Variants in CEP72 observed in about 807,000 individuals in gnomAD.
The protein encoded by CEP72 is centrosomal protein of 72 kDa.
In CEP72, 78 loss-of-function variants were observed where a neutral mutation model predicts 65.7. That is an observed-to-expected ratio of 1.19 (90% CI 0.99 to 1.43). CEP72 has a LOEUF of 1.43. Among genes scored for constraint, CEP72 ranks in the 40% most tolerant of loss-of-function variants. The pLI is 0.00. For synonymous variants in CEP72, 358 were observed against 351.7 expected, an observed-to-expected ratio of 1.02 and a Z score of -0.20; for missense variants, 914 against 832.9, an observed-to-expected ratio of 1.10 and a Z score of -1.20.
intron 9 of CEP72, chr5:642,746 A>G: frequency 9.1e-6 from 9 of 985,382 alleles, no homozygotes; most frequent in Non-Finnish European, 1.1e-5. Flanking sequence ...CCCGCGGGTA[A>G]GGAGCAGTCA....
In CEP72 at chr5:637,702, A is replaced by G. The variant is rs1441194032; in HGVS notation, c.1090A>G (p.Lys364Glu). 5 of 1,613,780 alleles carry G rather than the reference A, an allele frequency of 3.1e-6. No homozygotes were observed. Among genetic ancestry groups the G allele is most frequent in the Non-Finnish European group, 2.5e-6 (3 of 1,180,010 alleles). The change falls in exon 7 of 12, where the codon AAG becomes GAG. Residue 364 changes from lysine (K) to glutamate (E), a missense_variant. Lys to Glu is a moderately conservative substitution (Grantham distance 56). Coordinates refer to ENST00000264935, the MANE Select transcript of CEP72 (RefSeq NM_018140.4). Reference protein sequence around the residue: ...PERTHGSSVPKESLSRQDSSE... With the variant: ...PERTHGSSVPEESLSRQDSSE... ...GAGAACTCATGGGTCCTCCGTGCCCAAGGAGAGCCTGAGCAGACAGGACAG... is the reference window on the plus strand; with the variant it reads ...GAGAACTCATGGGTCCTCCGTGCCCGAGGAGAGCCTGAGCAGACAGGACAG...
Position 644,251 on chromosome 5 carries a change from T to C in CEP72, c.1540-48T>C, listed in dbSNP as rs770287937. The C allele has an allele frequency of 3.1e-6, 5 of 1,597,250 alleles. No individual in the cohort carries two copies. In the South Asian group the frequency reaches 5.6e-5, roughly 18 times the overall value. On this transcript the variant is annotated intron_variant, in intron 9 of 11. Coordinates refer to ENST00000264935, the MANE Select transcript of CEP72 (RefSeq NM_018140.4). ...TTTCAGTTTTACTTTCTATACGCAT[T>C]TTACTGAATTTGACTTGTGCACTTA...
downstream of CEP72, among the ~76,000 whole-genome samples, chr5:671,118 C>T (rs893078422): frequency 1.3e-5 from 2 of 152,244 alleles, no homozygotes; most frequent in African/African-American, 4.8e-5. Flanking sequence ...CTCCGGAGGT[C>T]TGGCTACCGA....
At chr5:658,532 C>T (rs560024930), downstream of CEP72, among the ~76,000 whole-genome samples, 1 of 151,810 alleles carries the variant, frequency 6.6e-6, no homozygotes, top group Admixed American at 6.6e-5. Flanking sequence ...TTTTCAATTT[C>T]TGATCTGATC....
chr5:668,337 C>T (rs1456220453), downstream of CEP72, among the ~76,000 whole-genome samples: 5 of 109,316 alleles, frequency 4.6e-5, no homozygotes, highest in East Asian at 2.4e-4. Context: ...GTGTGGGCGC[C>T]GTCAGGGAAG....
At chr5:647,709 C>T in intron 10 of CEP72, 96 bp from the exon 11 acceptor site, 2 of 817,310 alleles carry the variant, frequency 2.4e-6, no homozygotes, top group Non-Finnish European at 4.0e-6. Context: ...TTTCTGGTAA[C>T]CAAGATCCAG....
downstream of CEP72, chr5:667,228 A>C (rs915800558): frequency 1.3e-5 from 2 of 152,230 alleles, no homozygotes; most frequent in African/African-American, 4.8e-5. Flanking sequence ...GGGCACGGGC[A>C]CGCGGCCAGC....
intron 1 of CEP72, chr5:662,874 C>T (rs147927538): frequency 8.3e-5 from 12 of 143,944 alleles, no homozygotes; most frequent in African/African-American, 3.0e-4. Flanking sequence ...CGTCTGTGAT[C>T]GGGTGATTCC....
intron 11 of CEP72, among the ~76,000 whole-genome samples, chr5:649,079 T>G (rs1738693834): frequency 7.5e-6 from 1 of 132,544 alleles, no homozygotes; most frequent in Non-Finnish European, 1.5e-5. Flanking sequence ...CTGTGAGGTG[T>G]GACTGTGAGG....
intron 4 of CEP72, among the ~76,000 whole-genome samples, chr5:631,607 A>C (rs6891215): frequency 3.2e-3 from 61 of 19,278 alleles, no homozygotes; most frequent in Admixed American, 4.6e-3. Flanking sequence ...CGGGATTTGG[A>C]CCAGTCCTGG....
chr5:666,242 A>C, intron 4 of CEP72: 1 of 1,186,068 alleles, frequency 8.4e-7, no homozygotes, highest in Non-Finnish European at 1.2e-6. Flanking sequence ...CTTCACCCAC[A>C]GGCGGCCGCC....
At chr5:638,587 G>T (rs1737785324) in intron 7 of CEP72, among the ~76,000 whole-genome samples, 1 of 152,074 alleles carries the variant, frequency 6.6e-6, no homozygotes, top group African/African-American at 2.4e-5. Flanking sequence ...AGAGCTGGGT[G>T]GGGCGTGTTT....
Position 628,683 on chromosome 5 carries a change from C to T in CEP72, c.512+4104C>T, listed in dbSNP as rs796897268. 3.4e-3 allele frequency among the ~76,000 whole-genome samples: 69 copies of T among 20,108 alleles called. 6 individuals carry two copies. The highest frequency in any genetic ancestry group is 5.2e-3 in the African/African-American group (36 of 6,970). 13.2% of individuals were successfully genotyped at this position (20,108 alleles called of 152,430 possible). On this transcript the variant is annotated intron_variant, in intron 4 of 11. Transcript: ENST00000264935. ...TGTGCAGCTTCTGGAGAACTCAGGT[C>T]ACAGGCCCCGGGGAGTGTTCCCAGG...
rs1660827329 is a variant in CEP72, at chr5:644,281, T to C, written c.1540-18T>C. 2 of 1,611,464 alleles carry C rather than the reference T, an allele frequency of 1.2e-6. No individual in the cohort carries two copies. The highest frequency in any genetic ancestry group is 1.7e-6 in the Non-Finnish European group (2 of 1,178,612). Reference sequence around the variant, plus strand: ...TGAATTTGACTTGTGCACTTAAGTGTATTTTCTGTGTCCGCAGGATGATTT... The same window carrying C: ...TGAATTTGACTTGTGCACTTAAGTGCATTTTCTGTGTCCGCAGGATGATTT... On this transcript the variant is annotated intron_variant, in intron 9 of 11. Transcript: ENST00000264935.
At chr5:652,030 T>C (rs536344943) in intron 11 of CEP72, among the ~76,000 whole-genome samples, 1 of 152,192 alleles carries the variant, frequency 6.6e-6, no homozygotes, top group Non-Finnish European at 1.5e-5. Context: ...TCCTGAAAGA[T>C]GAGACTGGGC....
At chr5:613,451 A>G (rs912207905) in intron 1 of CEP72, among the ~76,000 whole-genome samples, 2 of 151,880 alleles carry the variant, frequency 1.3e-5, no homozygotes, top group Admixed American at 6.6e-5. Context: ...GCTCACTGCA[A>G]CCTCCACCTC....
In CEP72 at chr5:623,196, C is replaced by T. The variant is rs1736511806; in HGVS notation, c.404-1275C>T. ...GCAGAGAAGGAGCGCGACCGTCTCC[C>T]CTCTTAGTGTTTCTACAGAGAAGGA... is the stretch of plus-strand genomic sequence containing the variant. On this transcript the variant is annotated intron_variant, in intron 3 of 11. Transcript: ENST00000264935. The surrounding 1 kb of genome is among the most constrained non-coding windows in gnomAD (Gnocchi z 5.3). Among the ~76,000 whole-genome samples the T allele has an allele frequency of 6.6e-6, 1 of 152,198 alleles. No individual in the cohort carries two copies. The highest frequency in any genetic ancestry group is 6.5e-5 in the Admixed American group (1 of 15,284).
chr5:659,455 G>A (rs1739491726), downstream of CEP72, among the ~76,000 whole-genome samples: 1 of 152,200 alleles, frequency 6.6e-6, no homozygotes, highest in Non-Finnish European at 1.5e-5. Context: ...GTCCAAAAAT[G>A]CCTTTATTGT....
At chr5:621,549 C>T (rs563308022) in intron 3 of CEP72, among the ~76,000 whole-genome samples, 7 of 152,368 alleles carry the variant, frequency 4.6e-5, no homozygotes, top group African/African-American at 1.7e-4. Context: ...CCCGGCAGCC[C>T]TCACCCTGTC....
Sources: allele counts gnomAD v4.1 joint callset (sites outside exome capture counted in the v4.1 genomes callset), GRCh38; gene constraint gnomAD v4.1.1; non-coding constraint Gnocchi (gnomAD v3.1); transcripts MANE v1.5; gene names NCBI Gene and HGNC (gene_info 2026-07-23, HGNC 2026-07-21).